RPTOR: variants seen among roughly 807,000 people sequenced by gnomAD.
The protein encoded by RPTOR is regulatory-associated protein of mTOR.
In RPTOR, 21 loss-of-function variants were observed where a neutral mutation model predicts 169.9. That is an observed-to-expected ratio of 0.12 (90% confidence interval 0.09 to 0.18). The LOEUF is 0.18. Among genes scored for constraint, RPTOR ranks in the 10% least tolerant of loss-of-function variants. The pLI, the probability that RPTOR is intolerant of heterozygous loss-of-function variation, is 1.00. For synonymous variants in RPTOR, 732 were observed against 753.2 expected, an observed-to-expected ratio of 0.97 and a Z score of 0.46; for missense variants, 1,133 against 1,855.9, an observed-to-expected ratio of 0.61 and a Z score of 7.16.
intron 33 of RPTOR, 40 bp from the exon 34 acceptor site, chr17:80,964,222 C>G: frequency 6.3e-7 from 1 of 1,578,560 alleles, no homozygotes; most frequent in Non-Finnish European, 8.6e-7. Context: ...AGTGTCTGCC[C>G]GCACCTGAAC....
intron 24 of RPTOR, among the ~76,000 whole-genome samples, chr17:80,930,087 G>GCATCCTCAACTCATCCCCAGCT (rs1567993216): frequency 2.9e-5 from 1 of 35,076 alleles, no homozygotes; most frequent in Non-Finnish European, 5.9e-5. Flanking sequence ...CATCCCCAGC[G>GCATCCTCAACTCATCCCCAGCT]CATCCTCAAC....
At chr17:80,846,193 C>T (rs375442202) in intron 10 of RPTOR, among the ~76,000 whole-genome samples, 6 of 152,272 alleles carry the variant, frequency 3.9e-5, no homozygotes, top group African/African-American at 9.6e-5. Flanking sequence ...GTTCCCAGCA[C>T]GCTCCTCTTG....
intron 13 of RPTOR, among the ~76,000 whole-genome samples, chr17:80,863,919 CAAAG>C (rs930449991): frequency 1.3e-5 from 2 of 150,144 alleles, no homozygotes; most frequent in African/African-American, 4.9e-5. Context: ...GGCCCTGCCT[CAAAG>C]AAAGAAAGAA....
intron 30 of RPTOR, 124 bp from the exon 31 acceptor site, chr17:80,961,270 C>A: frequency 1.2e-6 from 1 of 817,456 alleles, no homozygotes; most frequent in Non-Finnish European, 1.9e-6. Flanking sequence ...TCGTGGGGAG[C>A]GGACGGGCGA....
In RPTOR at chr17:80,833,457, C is replaced by T. The variant is rs533913056; in HGVS notation, c.1137-4465C>T. ...GGAAGTGCTAATCCAGACACCTTCC[C>T]GGTCCCCTCCCACCTTCTGCTGTCG... On this transcript the variant is annotated intron_variant, in intron 9 of 33. Coordinates refer to ENST00000306801, the MANE Select transcript of RPTOR (RefSeq NM_020761.3). Among the ~76,000 whole-genome samples, 9 of 152,312 alleles carry T rather than the reference C, an allele frequency of 5.9e-5. No homozygotes were observed. The East Asian group carries it at 7.7e-4, about 13-fold the overall frequency.
chr17:80,822,170 A>C, intron 7 of RPTOR, 31 bp from the exon 8 acceptor site: 1 of 1,592,810 alleles, frequency 6.3e-7, no homozygotes. Context: ...GAGCTGTGGC[A>C]TCACTCATGA....
intron 7 of RPTOR, among the ~76,000 whole-genome samples, chr17:80,818,626 A>T (rs1303838461): frequency 6.6e-6 from 1 of 152,226 alleles, no homozygotes; most frequent in Non-Finnish European, 1.5e-5. Flanking sequence ...AAGAAGCCTC[A>T]TCAGCTTTTG....
chr17:80,786,332 G>GT (rs900103451), intron 6 of RPTOR, among the ~76,000 whole-genome samples: 15 of 151,486 alleles, frequency 9.9e-5, no homozygotes, highest in South Asian at 4.2e-4. Context: ...ATACATGTGG[G>GT]TTTTTTTTTA....
intron 3 of RPTOR, among the ~76,000 whole-genome samples, chr17:80,685,199 G>GCACCTCATTCGGAGTCGCCCCTCATC: frequency 1.3e-5 from 2 of 151,262 alleles, no homozygotes; most frequent in African/African-American, 4.9e-5. Flanking sequence ...ATTCAGGGTC[G>GCACCTCATTCGGAGTCGCCCCTCATC]CTTGTTGCGT....
At chr17:80,921,638 A>G (rs2068746198) in intron 21 of RPTOR, among the ~76,000 whole-genome samples, 1 of 152,186 alleles carries the variant, frequency 6.6e-6, no homozygotes, top group African/African-American at 2.4e-5. Flanking sequence ...AGCTGGTACA[A>G]ATCTTTTTCT....
chr17:80,840,394 G>T (rs1376464118), intron 10 of RPTOR, among the ~76,000 whole-genome samples: 2 of 124,934 alleles, frequency 1.6e-5, no homozygotes, highest in Admixed American at 1.7e-4. Context: ...CACTCTCACT[G>T]CATGGCAGCT....
At chr17:80,590,183 T>TGCAGGTATGCGC (rs2065092934) in intron 1 of RPTOR, among the ~76,000 whole-genome samples, 1 of 152,234 alleles carries the variant, frequency 6.6e-6, no homozygotes, top group African/African-American at 2.4e-5. Flanking sequence ...AAAGTAGGCA[T>TGCAGGTATGCGC]GCAGGTATGC....
chr17:80,878,778 G>A lies in RPTOR; in HGVS notation c.1510-1637G>A, dbSNP rs754320322. Among the ~76,000 whole-genome samples the A allele has an allele frequency of 2.6e-5, 4 of 152,074 alleles. No individual in the cohort carries two copies. Among genetic ancestry groups the A allele is most frequent in the Non-Finnish European group, 5.9e-5 (4 of 68,020 alleles). On this transcript the variant is annotated intron_variant, in intron 13 of 33. Coordinates refer to ENST00000306801, the MANE Select transcript of RPTOR (RefSeq NM_020761.3). The surrounding 1 kb of genome is among the most constrained non-coding windows in gnomAD (Gnocchi z 4.1). ...GGCAAATACTTCCCGAAGTATTATC[G>A]TTACCCCTGAATATCCAAGGCAGGA...
chr17:80,882,598 A>G (rs554504877), intron 14 of RPTOR, among the ~76,000 whole-genome samples: 1 of 152,300 alleles, frequency 6.6e-6, no homozygotes, highest in Admixed American at 6.5e-5. Flanking sequence ...TTCAGACACC[A>G]ACAGTTTACT....
At chr17:80,739,381 G>T (rs933336277) in intron 5 of RPTOR, among the ~76,000 whole-genome samples, 5 of 152,194 alleles carry the variant, frequency 3.3e-5, no homozygotes, top group Non-Finnish European at 7.3e-5. Context: ...CGTCTGCGCA[G>T]AAGGCAAGGG....
At chr17:80,706,084 G>T (rs1042497705) in intron 3 of RPTOR, among the ~76,000 whole-genome samples, 2 of 152,196 alleles carry the variant, frequency 1.3e-5, no homozygotes, top group African/African-American at 4.8e-5. Flanking sequence ...AGTTTTAAAA[G>T]TTTATCAAAG....
In RPTOR at chr17:80,964,540, T is replaced by G; in HGVS notation, c.*210T>G. The G allele has an allele frequency of 1.7e-6, 1 of 596,554 alleles. No homozygotes were observed. The highest frequency in any genetic ancestry group is 3.0e-6 in the Non-Finnish European group (1 of 334,374). 37.0% of individuals were successfully genotyped at this position (596,554 alleles called of 1,614,324 possible). On this transcript the variant is annotated 3_prime_UTR_variant, in exon 34 of 34. Coordinates refer to ENST00000306801, the MANE Select transcript of RPTOR (RefSeq NM_020761.3). ...ATGTCAGGGAAGGGGAGGGCTCGGG[T>G]TGACGGTGGCTTCCCACTGAGCACC...
intron 6 of RPTOR, among the ~76,000 whole-genome samples, chr17:80,784,687 C>G (rs2066973945): frequency 6.8e-6 from 1 of 146,760 alleles, no homozygotes; most frequent in East Asian, 2.0e-4. Context: ...GCCACTGTGC[C>G]CGGCCTATTT....
intron 1 of RPTOR, among the ~76,000 whole-genome samples, chr17:80,569,670 A>C (rs781332705): frequency 5.3e-5 from 8 of 152,164 alleles, no homozygotes; most frequent in Non-Finnish European, 1.2e-4. Context: ...TGTTGATTTC[A>C]TGTGACAGTG....
Sources: gnomAD v4.1 joint callset for allele counts (sites outside exome capture counted in the v4.1 genomes callset) on GRCh38, gnomAD v4.1.1 for gene constraint, Gnocchi (gnomAD v3.1) non-coding constraint, MANE v1.5 for transcripts, NCBI Gene and HGNC (gene_info 2026-07-23, HGNC 2026-07-21) for gene names.